The following PTPRZ1 variants were observed in gnomAD, a reference collection of about 807,000 sequenced individuals.
PTPRZ1 encodes the protein protein tyrosine phosphatase receptor type Z1.
In PTPRZ1, 82 loss-of-function variants were observed where a neutral mutation model predicts 214.1. That is an observed-to-expected ratio of 0.38 (90% CI 0.32 to 0.46). PTPRZ1 has a LOEUF of 0.46. PTPRZ1 is among the 20% of genes least tolerant of loss of function. PTPRZ1 has a pLI of 1.00. For synonymous variants in PTPRZ1, 945 were observed against 987.9 expected (o/e 0.96, Z 0.81); for missense variants, 2,603 against 2,748.7 (o/e 0.95, Z 1.19).
At chr7:121,949,545 C>T (rs888086886) in intron 2 of PTPRZ1, among the ~76,000 whole-genome samples, 9 of 152,124 alleles carry the variant, frequency 5.9e-5, no homozygotes, top group African/African-American at 1.7e-4. Flanking sequence ...ATGGACAAAT[C>T]GGAGAGTATT....
chr7:122,012,899 T>C lies in PTPRZ1; in HGVS notation c.3853T>C (p.Ser1285Pro). 1 of 1,614,184 alleles carries C rather than the reference T, an allele frequency of 6.2e-7. No individual in the cohort carries two copies. ...TGAAAGTTCCCACCAAGTGGTACCT[T>C]CTTTGTACAGTAATGATGAGTTGTT... ...KSESSHQVVP[S>P]LYSNDELFQT... Residue 1285 changes from serine to proline, a missense_variant, in exon 12 of 30, where the codon TCT (serine) becomes CCT (proline). Transcript: ENST00000393386.
chr7:122,017,504 G>A (rs1798876415), intron 12 of PTPRZ1, among the ~76,000 whole-genome samples: 2 of 151,688 alleles, frequency 1.3e-5, no homozygotes, highest in South Asian at 4.2e-4. Context: ...ATCTTGGGAA[G>A]TGTGTGTGCC....
intron 13 of PTPRZ1, among the ~76,000 whole-genome samples, chr7:122,023,698 A>G (rs1202341246): frequency 6.0e-5 from 8 of 132,988 alleles, no homozygotes; most frequent in Non-Finnish European, 1.1e-4. Context: ...TATTATATGT[A>G]TAATTTTATA....
intron 10 of PTPRZ1, among the ~76,000 whole-genome samples, chr7:122,000,423 G>A (rs1222714994): frequency 1.3e-5 from 2 of 151,526 alleles, no homozygotes; most frequent in Admixed American, 1.3e-4. Context: ...TAATATAGAT[G>A]TAAGTGGCTT....
intron 13 of PTPRZ1, 141 bp from the exon 14 acceptor site, chr7:122,028,411 T>C (rs867424505): frequency 1.8e-6 from 1 of 543,834 alleles, no homozygotes; most frequent in Middle Eastern, 3.5e-4. Context: ...AAAATGGATG[T>C]AGATCCAGCA....
intron 18 of PTPRZ1, among the ~76,000 whole-genome samples, chr7:122,037,623 C>T (rs1191129078): frequency 1.3e-5 from 2 of 152,136 alleles, no homozygotes; most frequent in South Asian, 2.1e-4. Context: ...ATACTGAATT[C>T]AAATAAATGA....
At chr7:121,975,048 A>T (rs549837322) in intron 4 of PTPRZ1, among the ~76,000 whole-genome samples, 2 of 152,116 alleles carry the variant, frequency 1.3e-5, no homozygotes, top group South Asian at 4.2e-4. Flanking sequence ...ATAGCTGAAG[A>T]CGGTGGCATG....
intron 1 of PTPRZ1, among the ~76,000 whole-genome samples, chr7:121,884,035 G>C (rs1275976313): frequency 1.3e-5 from 2 of 152,110 alleles, no homozygotes; most frequent in African/African-American, 2.4e-5. Flanking sequence ...GTTTAGGAAA[G>C]AGAGAAGGCA....
At chr7:122,023,740 T>C (rs892942063) in intron 13 of PTPRZ1, among the ~76,000 whole-genome samples, 6 of 136,816 alleles carry the variant, frequency 4.4e-5, no homozygotes, top group Non-Finnish European at 6.2e-5. Flanking sequence ...TATAATTTTA[T>C]ATATAATTAT....
intron 23 of PTPRZ1, among the ~76,000 whole-genome samples, chr7:122,051,227 T>C (rs1792171739): frequency 6.6e-6 from 1 of 152,162 alleles, no homozygotes; most frequent in Non-Finnish European, 1.5e-5. Context: ...GTAACTCCCC[T>C]GGTGTAAAAC....
At chr7:121,913,795 A>G (rs1027976734) in intron 1 of PTPRZ1, among the ~76,000 whole-genome samples, 3 of 152,226 alleles carry the variant, frequency 2.0e-5, no homozygotes, top group African/African-American at 4.8e-5. Flanking sequence ...GTGAAATTTC[A>G]AATTATTTAA....
In PTPRZ1 at chr7:122,042,381, A is replaced by G. The variant is rs539076387; in HGVS notation, c.5802-227A>G. Among the ~76,000 whole-genome samples, 5 of 152,346 alleles carry G rather than the reference A, an allele frequency of 3.3e-5. No homozygotes were observed. In the East Asian group the frequency reaches 7.7e-4, roughly 24 times the overall value. ...ACAGATATAGTGAGGTTGTTTTGCA[A>G]TTAGACACATGACAAAACATTAGAA... On this transcript the variant is annotated intron_variant, in intron 21 of 29. Transcript: ENST00000393386.
chr7:121,974,445 A>G (rs1273556025), intron 4 of PTPRZ1, among the ~76,000 whole-genome samples: 1 of 152,122 alleles, frequency 6.6e-6, no homozygotes, highest in Non-Finnish European at 1.5e-5. Flanking sequence ...TTTAATGCAA[A>G]AGCCTCTCAA....
rs974723310 is a variant in PTPRZ1, at chr7:122,009,319, G to A, written c.1288-1015G>A. Reference sequence around the variant, plus strand: ...GATTCTTTCTACTGATACTGGTCAAGTTCTCAATGGCTGTACTCAGTAATT... The same window carrying A: ...GATTCTTTCTACTGATACTGGTCAAATTCTCAATGGCTGTACTCAGTAATT... On this transcript the variant is annotated intron_variant, in intron 11 of 29. Coordinates refer to ENST00000393386, the MANE Select transcript of PTPRZ1 (RefSeq NM_002851.3). Among the ~76,000 whole-genome samples, 4 of 152,046 alleles carry A rather than the reference G, an allele frequency of 2.6e-5. No individual in the cohort carries two copies. The East Asian group carries it at 7.7e-4, about 29-fold the overall frequency.
rs141097434 is a variant in PTPRZ1 at position 121,948,589 on chromosome 7, T to G, written c.125-19362T>G. ...AGAAAAGTAGCCATCTGGTGACAAGTAGAGGATGAATGTTTCAGGCAAGGG... is the reference window on the plus strand; with the variant it reads ...AGAAAAGTAGCCATCTGGTGACAAGGAGAGGATGAATGTTTCAGGCAAGGG... On this transcript the variant is annotated intron_variant, in intron 2 of 29. Transcript: ENST00000393386. Among the ~76,000 whole-genome samples, 559 of 152,110 alleles carry G rather than the reference T, an allele frequency of 3.7e-3. 12 individuals carry two copies. Among genetic ancestry groups the G allele is most frequent in the Admixed American group, 0.033 (502 of 15,290 alleles).
intron 1 of PTPRZ1, among the ~76,000 whole-genome samples, chr7:121,915,252 G>T (rs1795391149): frequency 1.3e-5 from 2 of 152,138 alleles, no homozygotes; most frequent in African/African-American, 2.4e-5. Context: ...TTATTTGGGA[G>T]GTTCAGGTAG....
At chr7:122,018,098 A>T (rs2116680384) in intron 12 of PTPRZ1, among the ~76,000 whole-genome samples, 1 of 152,326 alleles carries the variant, frequency 6.6e-6, no homozygotes, top group South Asian at 2.1e-4. Context: ...CAAGTGCATA[A>T]GAAGGCATGT....
At chr7:121,881,368 A>G (rs1392005180) in intron 1 of PTPRZ1, among the ~76,000 whole-genome samples, 1 of 152,188 alleles carries the variant, frequency 6.6e-6, no homozygotes, top group Non-Finnish European at 1.5e-5. Context: ...CTGACTATGC[A>G]CCTGGGAGAC....
At chr7:122,030,374 A>G (rs1487028659) in intron 14 of PTPRZ1, among the ~76,000 whole-genome samples, 1 of 152,086 alleles carries the variant, frequency 6.6e-6, no homozygotes, top group Non-Finnish European at 1.5e-5. Context: ...GCTGTGCAGG[A>G]TAACATCAAG....
Sources: allele counts gnomAD v4.1 joint callset (sites outside exome capture counted in the v4.1 genomes callset), GRCh38; gene constraint gnomAD v4.1.1; transcripts MANE v1.5; gene names NCBI Gene and HGNC (gene_info 2026-07-23, HGNC 2026-07-21).